Variants in TASP1 observed in about 807,000 individuals in gnomAD.
TASP1 encodes the protein threonine aspartase 1.
In TASP1, 16 loss-of-function variants were observed where a neutral mutation model predicts 56.6. The observed-to-expected ratio is 0.28, with a 90% CI of 0.19 to 0.43. The LOEUF is 0.43. Ranked by LOEUF, TASP1 falls within the 20% of genes least tolerant of loss-of-function variation. TASP1 has a pLI of 1.00. For missense variants in TASP1, 393 were observed against 511.6 expected, an observed-to-expected ratio of 0.77 and a Z score of 2.24; for synonymous variants, 179 against 184.2, an observed-to-expected ratio of 0.97 and a Z score of 0.23.
intron 4 of TASP1, among the ~76,000 whole-genome samples, chr20:13,604,987 C>CATATAT (rs3042652): frequency 0.01 from 1,405 of 140,460 alleles, 11 homozygotes; most frequent in Non-Finnish European, 0.012. Flanking sequence ...AGACATAATA[C>CATATAT]ATATATATAT....
the TASP1 span, among the ~76,000 whole-genome samples, chr20:13,350,275 T>A: frequency 6.6e-6 from 1 of 152,206 alleles, no homozygotes; most frequent in Non-Finnish European, 1.5e-5. Context: ...ATCCATGGAC[T>A]GGAAGACTCA....
intron 11 of TASP1, among the ~76,000 whole-genome samples, chr20:13,448,916 G>T (rs572711550): frequency 5.9e-5 from 9 of 151,962 alleles, no homozygotes; most frequent in Non-Finnish European, 1.2e-4. Flanking sequence ...GTTCTAAGAG[G>T]GGTTAGATGG....
At chr20:13,275,070 ACT>A in the TASP1 span, among the ~76,000 whole-genome samples, 1 of 152,228 alleles carries the variant, frequency 6.6e-6, no homozygotes, top group African/African-American at 2.4e-5. Flanking sequence ...AAATAAATGC[ACT>A]GTTAGGCTTA....
intron 6 of TASP1, among the ~76,000 whole-genome samples, chr20:13,577,934 G>C (rs1267797107): frequency 6.6e-6 from 1 of 152,106 alleles, no homozygotes; most frequent in Non-Finnish European, 1.5e-5. Context: ...TATTTAGGTA[G>C]CTTACATTTT....
chr20:13,631,674 A>C (rs1396573439), intron 1 of TASP1, among the ~76,000 whole-genome samples: 2 of 152,264 alleles, frequency 1.3e-5, no homozygotes, highest in Non-Finnish European at 2.9e-5. Flanking sequence ...AAACGAAAAC[A>C]CATCTAAGCA....
At chr20:13,492,274 C>T (rs541323844) in intron 10 of TASP1, among the ~76,000 whole-genome samples, 35 of 152,318 alleles carry the variant, frequency 2.3e-4, no homozygotes, top group Non-Finnish European at 4.3e-4. Flanking sequence ...AACACATCCC[C>T]TCTTAGAAGT....
At chr20:13,295,614 T>G in the TASP1 span, among the ~76,000 whole-genome samples, 1 of 152,048 alleles carries the variant, frequency 6.6e-6, no homozygotes, top group South Asian at 2.1e-4. Context: ...ATGCAAGAGA[T>G]TTTTTGAGGA....
At chr20:13,371,433 C>T in the TASP1 span, among the ~76,000 whole-genome samples, 12 of 152,032 alleles carry the variant, frequency 7.9e-5, no homozygotes, top group African/African-American at 2.2e-4. Context: ...TTTAGTAGTG[C>T]GCTGTTAAAT....
At chr20:13,191,419 T>C in the TASP1 span, among the ~76,000 whole-genome samples, 4 of 152,228 alleles carry the variant, frequency 2.6e-5, no homozygotes, top group Non-Finnish European at 5.9e-5. Context: ...TTAAAAATTA[T>C]AATTTCTGCA....
the TASP1 span, among the ~76,000 whole-genome samples, chr20:13,176,534 C>T: frequency 6.6e-6 from 1 of 152,110 alleles, no homozygotes; most frequent in African/African-American, 2.4e-5. Flanking sequence ...TATGCTGAAC[C>T]ATCTTTGCAT....
chr20:13,347,425 T>C, the TASP1 span, among the ~76,000 whole-genome samples: 1 of 152,220 alleles, frequency 6.6e-6, no homozygotes, highest in South Asian at 2.1e-4. Flanking sequence ...CTGAAGGCCA[T>C]AGGTCCTTTT....
chr20:13,608,227 A>T (rs962038329), intron 4 of TASP1, among the ~76,000 whole-genome samples: 3 of 152,232 alleles, frequency 2.0e-5, no homozygotes, highest in Non-Finnish European at 2.9e-5. Context: ...GTATCCCAAC[A>T]TCAGTTTTCA....
At chr20:13,279,622 T>C in the TASP1 span, 1 of 1,608,412 alleles carries the variant, frequency 6.2e-7, no homozygotes, top group South Asian at 1.1e-5. Flanking sequence ...CAGCCTGTTC[T>C]GAATTCTTCA....
chr20:13,432,265 T>C (rs2042835685), intron 12 of TASP1, among the ~76,000 whole-genome samples: 3 of 152,160 alleles, frequency 2.0e-5, no homozygotes, highest in Admixed American at 1.3e-4. Context: ...GAGCTAAGTT[T>C]TTAACTTTTT....
the TASP1 span, chr20:13,110,342 C>A: frequency 1.3e-6 from 1 of 754,276 alleles, no homozygotes; most frequent in East Asian, 2.9e-5. Context: ...ACACAGGGAC[C>A]TGAGACAGAG....
chr20:13,582,164 C>CA (rs2047150751), intron 5 of TASP1, among the ~76,000 whole-genome samples: 1 of 150,192 alleles, frequency 6.7e-6, no homozygotes, highest in Non-Finnish European at 1.5e-5. Context: ...GATCCCTTTA[C>CA]TAGTTCTTAA....
At chr20:13,533,384 A>G (rs956981967) in intron 9 of TASP1, among the ~76,000 whole-genome samples, 4 of 152,182 alleles carry the variant, frequency 2.6e-5, no homozygotes, top group African/African-American at 7.2e-5. Context: ...GTTAAATTTC[A>G]TTCTCAGTAT....
intron 11 of TASP1, among the ~76,000 whole-genome samples, chr20:13,475,085 C>T (rs1745124948): frequency 6.6e-6 from 1 of 152,020 alleles, no homozygotes; most frequent in Admixed American, 6.6e-5. Flanking sequence ...AAAAGTAATC[C>T]CTACCAACAT....
the TASP1 span, among the ~76,000 whole-genome samples, chr20:13,230,929 C>T: frequency 6.6e-5 from 10 of 152,144 alleles, no homozygotes; most frequent in African/African-American, 2.2e-4. Context: ...AACCAATATG[C>T]TTATTATGCC....
Sources: gnomAD v4.1 joint callset for allele counts (sites outside exome capture counted in the v4.1 genomes callset) on GRCh38, gnomAD v4.1.1 for gene constraint, MANE v1.5 for transcripts, NCBI Gene and HGNC (gene_info 2026-07-23, HGNC 2026-07-21) for gene names.